Variants in SMYD3 observed in about 807,000 individuals in gnomAD.
The protein encoded by SMYD3 is SET and MYND domain containing 3.
SMYD3 carries 36 observed loss-of-function variants against 57.7 expected under a neutral mutation model. The observed-to-expected ratio is 0.62, with a 90% CI of 0.48 to 0.82. SMYD3 has a LOEUF of 0.82. Ranked by LOEUF, SMYD3 falls within the 40% of genes least tolerant of loss-of-function variation. The pLI, the probability that SMYD3 is intolerant of heterozygous loss-of-function variation, is 0.00. For missense variants in SMYD3, 515 were observed against 538.8 expected, an observed-to-expected ratio of 0.96 and a Z score of 0.44; for synonymous variants, 211 against 195.0, an observed-to-expected ratio of 1.08 and a Z score of -0.68.
chr1:246,447,029 CA>C (rs57473890), intron 1 of SMYD3, among the ~76,000 whole-genome samples: 43,809 of 108,944 alleles, frequency 0.4, 6,289 homozygotes, highest in Middle Eastern at 0.52. Flanking sequence ...ACTCCGTCTC[CA>C]AAAAAAAAAA....
intron 5 of SMYD3, among the ~76,000 whole-genome samples, chr1:246,044,136 C>A (rs1452718238): frequency 6.6e-6 from 1 of 152,030 alleles, no homozygotes; most frequent in Non-Finnish European, 1.5e-5. Flanking sequence ...TCTTCTAATT[C>A]AACAGTTCTA....
At chr1:246,436,945 A>G (rs6686844) in intron 1 of SMYD3, among the ~76,000 whole-genome samples, 99,016 of 146,932 alleles carry the variant, frequency 0.67, 33,542 homozygotes, top group Admixed American at 0.78. Flanking sequence ...TCTCGCCCAG[A>G]CTGAAGTGCA....
intron 5 of SMYD3, among the ~76,000 whole-genome samples, chr1:245,967,903 T>C (rs1456844369): frequency 6.6e-6 from 1 of 152,172 alleles, no homozygotes; most frequent in Admixed American, 6.5e-5. Context: ...TTCCATTGCT[T>C]ACTTGTCACT....
intron 5 of SMYD3, chr1:246,326,225 A>T (rs535008573): frequency 2.3e-6 from 1 of 435,764 alleles, no homozygotes; most frequent in East Asian, 3.5e-5. Context: ...ATAAGTGGCA[A>T]AATTGTCAAA....
intron 1 of SMYD3, among the ~76,000 whole-genome samples, chr1:246,379,060 A>C (rs1326984197): frequency 8.2e-6 from 1 of 121,608 alleles, no homozygotes; most frequent in African/African-American, 3.0e-5. Context: ...TTAAGTATAT[A>C]TATACTTACA....
intron 5 of SMYD3, among the ~76,000 whole-genome samples, chr1:246,003,105 G>A (rs1489094645): frequency 6.6e-6 from 1 of 152,226 alleles, no homozygotes; most frequent in Non-Finnish European, 1.5e-5. Context: ...GAGATATGAT[G>A]GAAGAGGCGG....
chr1:245,749,466 T>C lies in SMYD3; in HGVS notation c.*97A>G. 1.1e-6 allele frequency: 1 copy of C among 886,922 alleles called. No individual in the cohort carries two copies. Among genetic ancestry groups the C allele is most frequent in the Non-Finnish European group, 1.8e-6 (1 of 555,420 alleles). The allele number at this position is 886,922 out of a possible 1,614,324, so 54.9% of individuals were successfully genotyped here. ...CACAAACACGGAACAGAATTTCCAA[T>C]AGGAGAGGTTCACACAGCTAACAAA... On this transcript the variant is annotated 3_prime_UTR_variant, in exon 12 of 12. Coordinates refer to ENST00000490107, the MANE Select transcript of SMYD3 (RefSeq NM_001167740.2).
In SMYD3 at chr1:246,441,033, C is replaced by T. The variant is rs1199547876; in HGVS notation, c.164+66021G>A. 5.3e-5 allele frequency among the ~76,000 whole-genome samples: 8 copies of T among 152,222 alleles called. No homozygotes were observed. In the East Asian group the frequency reaches 7.7e-4, roughly 15 times the overall value. ...ATGGTCCTCCAATCTGGTTACATTA[C>T]GTAGAAGTAAATTATAGGTGACCCT... is the stretch of plus-strand genomic sequence containing the variant. On this transcript the variant is annotated intron_variant, in intron 1 of 11. Transcript: ENST00000490107.
intron 5 of SMYD3, among the ~76,000 whole-genome samples, chr1:246,125,472 G>C (rs989468695): frequency 4.0e-5 from 6 of 151,862 alleles, no homozygotes; most frequent in Non-Finnish European, 7.4e-5. Context: ...CTAGAAACCA[G>C]GTCTTTCAGA....
At chr1:246,323,046 T>C (rs1349729036) in intron 5 of SMYD3, among the ~76,000 whole-genome samples, 2 of 152,222 alleles carry the variant, frequency 1.3e-5, no homozygotes, top group African/African-American at 4.8e-5. Flanking sequence ...TCTAGACCAC[T>C]GTATATCACT....
chr1:245,801,724 T>TA (rs35820552), intron 10 of SMYD3, among the ~76,000 whole-genome samples: 4 of 145,612 alleles, frequency 2.7e-5, no homozygotes, highest in East Asian at 4.0e-4. Flanking sequence ...CAGGATTTGT[T>TA]AAAAAAAAAA....
chr1:246,452,837 T>G (rs958183434), intron 1 of SMYD3, among the ~76,000 whole-genome samples: 3 of 152,234 alleles, frequency 2.0e-5, no homozygotes, highest in African/African-American at 7.2e-5. Flanking sequence ...AGTCTATAAC[T>G]TTCTAATGTT....
At chr1:246,002,287 C>A (rs900969976) in intron 5 of SMYD3, among the ~76,000 whole-genome samples, 6 of 122,272 alleles carry the variant, frequency 4.9e-5, no homozygotes, top group Non-Finnish European at 1.1e-4. Flanking sequence ...CGGGTTCACG[C>A]CATTCTCCTG....
At chr1:246,003,765 ACAT>A (rs1369381434) in intron 5 of SMYD3, among the ~76,000 whole-genome samples, 1 of 152,216 alleles carries the variant, frequency 6.6e-6, no homozygotes, top group Non-Finnish European at 1.5e-5. Context: ...AATATCTCAC[ACAT>A]CTAGTCATTA....
At chr1:246,013,233 A>T (rs758218518) in intron 5 of SMYD3, among the ~76,000 whole-genome samples, 4 of 152,152 alleles carry the variant, frequency 2.6e-5, no homozygotes, top group Non-Finnish European at 5.9e-5. Context: ...CAGCTAGAGT[A>T]AAGTACTGCG....
At chr1:245,895,257 T>TA (rs1374441250) in intron 8 of SMYD3, among the ~76,000 whole-genome samples, 2 of 152,112 alleles carry the variant, frequency 1.3e-5, no homozygotes, top group Non-Finnish European at 2.9e-5. Flanking sequence ...ACAGGTAACA[T>TA]ACAGCAATGT....
chr1:246,399,197 T>C (rs1362342184), intron 1 of SMYD3, among the ~76,000 whole-genome samples: 2 of 151,848 alleles, frequency 1.3e-5, no homozygotes, highest in African/African-American at 4.8e-5. Flanking sequence ...AGTTTTTTTG[T>C]ATTTTTAGTA....
intron 1 of SMYD3, among the ~76,000 whole-genome samples, chr1:246,369,020 A>C (rs1002981596): frequency 6.6e-6 from 1 of 152,204 alleles, no homozygotes; most frequent in Non-Finnish European, 1.5e-5. Flanking sequence ...TGACTAATAC[A>C]ACCACTTAGC....
At chr1:245,835,333 T>C (rs564087616) in intron 10 of SMYD3, among the ~76,000 whole-genome samples, 2 of 152,202 alleles carry the variant, frequency 1.3e-5, no homozygotes, top group African/African-American at 4.8e-5. Context: ...TTGGCCAAGA[T>C]GGTCTCGATC....
Sources: gnomAD v4.1 joint callset for allele counts (sites outside exome capture counted in the v4.1 genomes callset) on GRCh38, gnomAD v4.1.1 for gene constraint, MANE v1.5 for transcripts, NCBI Gene and HGNC (gene_info 2026-07-23, HGNC 2026-07-21) for gene names.